Variants in STARD13 observed in about 807,000 individuals in gnomAD.
The protein encoded by STARD13 is stAR-related lipid transfer protein 13.
STARD13 carries 62 observed loss-of-function variants against 106.4 expected under a neutral mutation model. The ratio of observed to expected loss-of-function variants is 0.58; its 90% CI spans 0.48 to 0.72. STARD13 has a LOEUF of 0.72. Ranked by LOEUF, STARD13 falls within the 30% of genes least tolerant of loss-of-function variation. STARD13 has a pLI of 0.00. For missense variants in STARD13, 1,387 were observed against 1,424.0 expected (o/e 0.97, Z 0.42); for synonymous variants, 565 against 553.0 (o/e 1.02, Z -0.31).
At chr13:33,307,508 A>G (rs1479248610) in intron 1 of STARD13, among the ~76,000 whole-genome samples, 2 of 152,226 alleles carry the variant, frequency 1.3e-5, no homozygotes, top group Non-Finnish European at 2.9e-5. Context: ...TGTCCTTTGC[A>G]GGGACATAGA....
At chr13:33,165,109 T>C (rs938989305) in intron 3 of STARD13, among the ~76,000 whole-genome samples, 3 of 152,144 alleles carry the variant, frequency 2.0e-5, no homozygotes. Context: ...TCTTTCTCTG[T>C]CATTTTCCTA....
At chr13:33,148,105 T>G (rs1194676999) in intron 3 of STARD13, among the ~76,000 whole-genome samples, 1 of 152,182 alleles carries the variant, frequency 6.6e-6, no homozygotes, top group Non-Finnish European at 1.5e-5. Flanking sequence ...AACACAAAGC[T>G]ATACAACTCC....
At chr13:33,369,765 C>T in the STARD13 span, among the ~76,000 whole-genome samples, 7 of 152,038 alleles carry the variant, frequency 4.6e-5, no homozygotes, top group East Asian at 9.7e-4. Context: ...ATTTCCCTTG[C>T]TTTGAGAGTT....
chr13:33,484,359 C>T, the STARD13 span, among the ~76,000 whole-genome samples: 1 of 152,188 alleles, frequency 6.6e-6, no homozygotes, highest in Non-Finnish European at 1.5e-5. Context: ...TGATTTGTAA[C>T]TTCCCCAATT....
intron 3 of STARD13, among the ~76,000 whole-genome samples, chr13:33,159,542 T>A (rs1404853530): frequency 6.6e-6 from 1 of 152,244 alleles, no homozygotes; most frequent in Non-Finnish European, 1.5e-5. Context: ...ATCCTGATTT[T>A]AAAATATGCA....
chr13:33,381,040 C>A, the STARD13 span, among the ~76,000 whole-genome samples: 1 of 152,060 alleles, frequency 6.6e-6, no homozygotes, highest in Non-Finnish European at 1.5e-5. Flanking sequence ...CACTGACTGA[C>A]TTTTTTCTAA....
chr13:33,428,413 C>T, the STARD13 span, among the ~76,000 whole-genome samples: 1 of 152,064 alleles, frequency 6.6e-6, no homozygotes, highest in African/African-American at 2.4e-5. Context: ...CACTGGCAAA[C>T]TATGCATCCG....
intron 1 of STARD13, among the ~76,000 whole-genome samples, chr13:33,216,285 T>C (rs1484862860): frequency 6.6e-6 from 1 of 152,098 alleles, no homozygotes; most frequent in East Asian, 1.9e-4. Context: ...AGCAGCAAAA[T>C]TCGCAATTGC....
the STARD13 span, among the ~76,000 whole-genome samples, chr13:33,461,282 T>A: frequency 6.6e-6 from 1 of 152,214 alleles, no homozygotes; most frequent in Admixed American, 6.5e-5. Context: ...TCATTTTACG[T>A]TAAACACAAC....
intron 1 of STARD13, among the ~76,000 whole-genome samples, chr13:33,282,589 A>G (rs1286846282): frequency 3.3e-5 from 5 of 152,200 alleles, no homozygotes; most frequent in African/African-American, 9.7e-5. Flanking sequence ...AATCAAATTA[A>G]CATAATTCTA....
the STARD13 span, among the ~76,000 whole-genome samples, chr13:33,409,644 T>A: frequency 6.6e-6 from 1 of 152,204 alleles, no homozygotes; most frequent in Non-Finnish European, 1.5e-5. Context: ...GCAGAGAAAA[T>A]CCCTGGCATG....
At chr13:33,557,081 AGT>A in the STARD13 span, among the ~76,000 whole-genome samples, 1 of 152,218 alleles carries the variant, frequency 6.6e-6, no homozygotes, top group African/African-American at 2.4e-5. Context: ...AGCACCAATG[AGT>A]GTACTAAATT....
the STARD13 span, among the ~76,000 whole-genome samples, chr13:33,545,399 A>AGGT: frequency 7.2e-5 from 11 of 152,240 alleles, no homozygotes; most frequent in Non-Finnish European, 1.6e-4. Flanking sequence ...CTGGCCCGAA[A>AGGT]GGTGAATGTT....
At chr13:33,110,579 G>C (rs1874387879) in intron 11 of STARD13, 107 bp downstream of exon 11, 1 of 906,152 alleles carries the variant, frequency 1.1e-6, no homozygotes, top group South Asian at 1.5e-5. Context: ...CTGTCCGCGT[G>C]TGTGCCAAGC....
At chr13:33,286,170 AC>A (rs372789938), upstream of STARD13, among the ~76,000 whole-genome samples, 3 of 151,834 alleles carry the variant, frequency 2.0e-5, no homozygotes, top group African/African-American at 7.3e-5. Flanking sequence ...ACACAACACA[AC>A]AAAAAAAAAC....
At chr13:33,264,627 A>G (rs1890805299) in intron 1 of STARD13, among the ~76,000 whole-genome samples, 2 of 152,212 alleles carry the variant, frequency 1.3e-5, no homozygotes, top group South Asian at 4.1e-4. Flanking sequence ...TTGCATTGAC[A>G]TATAAATACG....
At chr13:33,433,811 T>C in the STARD13 span, among the ~76,000 whole-genome samples, 3 of 133,618 alleles carry the variant, frequency 2.2e-5, no homozygotes, top group African/African-American at 1.1e-4. Context: ...AAAATGGCTG[T>C]GTATTTGCCC....
In STARD13 at chr13:33,146,016, C is replaced by T. The variant is rs533545287; in HGVS notation, c.324-3643G>A. ...CCTGGGCAACATGGAGAGGCCCTGT[C>T]GCTACAAAAAAAATATATAAAAATT... On this transcript the variant is annotated intron_variant, in intron 3 of 13. Transcript: ENST00000336934. 3.3e-5 allele frequency among the ~76,000 whole-genome samples: 5 copies of T among 151,776 alleles called. No individual in the cohort carries two copies. The East Asian group carries it at 5.8e-4, about 18-fold the overall frequency.
At chr13:33,430,613 T>C in the STARD13 span, among the ~76,000 whole-genome samples, 1 of 152,196 alleles carries the variant, frequency 6.6e-6, no homozygotes, top group Admixed American at 6.5e-5. Context: ...GTTGACAAGA[T>C]ATCTGCAGTC....
Sources: allele counts gnomAD v4.1 joint callset (sites outside exome capture counted in the v4.1 genomes callset), GRCh38; gene constraint gnomAD v4.1.1; transcripts MANE v1.5; gene names NCBI Gene and HGNC (gene_info 2026-07-23, HGNC 2026-07-21).